ZFHX3: variants seen among roughly 807,000 people sequenced by gnomAD.
The protein encoded by ZFHX3 is zinc finger homeobox protein 3.
In ZFHX3, 42 loss-of-function variants were observed where a neutral mutation model predicts 279.1. The ratio of observed to expected loss-of-function variants is 0.15; its 90% CI spans 0.12 to 0.19. The LOEUF (loss-of-function observed/expected upper bound fraction) is 0.19, where lower values mean the gene tolerates loss of function less well. Among genes scored for constraint, ZFHX3 ranks in the 10% least tolerant of loss-of-function variants. ZFHX3 has a pLI of 1.00. For synonymous variants in ZFHX3, 2,293 were observed against 1,957.8 expected (o/e 1.17, Z -4.52); for missense variants, 4,981 against 4,754.0 (o/e 1.05, Z -1.40).
intron 4 of ZFHX3, among the ~76,000 whole-genome samples, chr16:73,276,910 T>C (rs1202227884): frequency 6.6e-6 from 1 of 152,240 alleles, no homozygotes; most frequent in African/African-American, 2.4e-5. Flanking sequence ...CTCTGCCATG[T>C]TCCTTTCTAC....
chr16:73,683,799 G>C (rs1010259981), intron 1 of ZFHX3, among the ~76,000 whole-genome samples: 5 of 152,170 alleles, frequency 3.3e-5, no homozygotes, highest in African/African-American at 1.2e-4. Flanking sequence ...TTCTAGAAAT[G>C]AATGAGATAC....
intron 1 of ZFHX3, among the ~76,000 whole-genome samples, chr16:73,000,626 T>C (rs1399528433): frequency 2.6e-5 from 4 of 152,196 alleles, no homozygotes; most frequent in Admixed American, 2.6e-4. Flanking sequence ...TGGGTGTTTC[T>C]CTGAATAGCT....
chr16:73,402,971 A>G (rs192280526), intron 3 of ZFHX3, among the ~76,000 whole-genome samples: 9 of 152,236 alleles, frequency 5.9e-5, no homozygotes, highest in Non-Finnish European at 4.4e-5. Flanking sequence ...GGTAATAGAG[A>G]GAGCTAACAC....
chr16:73,238,654 G>A lies in ZFHX3; in HGVS notation c.-1104+18393C>T, dbSNP rs532766029. Among the ~76,000 whole-genome samples the A allele has an allele frequency of 3.5e-4, 53 of 152,072 alleles. No individual in the cohort carries two copies. In the South Asian group the frequency reaches 9.8e-3, roughly 28 times the overall value. ...AAGTGCAAATGTGATTATCTTGCTC[G>A]CCTTTGTGAGATCCTTCTGAGGATC... On this transcript the variant is annotated intron_variant, in intron 5 of 17. Coordinates refer to the ZFHX3 transcript ENST00000641206.
At chr16:72,901,793 C>T (rs1423245043) in intron 3 of ZFHX3, among the ~76,000 whole-genome samples, 5 of 152,218 alleles carry the variant, frequency 3.3e-5, no homozygotes, top group East Asian at 1.9e-4. Flanking sequence ...CGGACGGCCA[C>T]GTGGCGAGAG....
chr16:73,308,339 G>A (rs1028878921), intron 4 of ZFHX3, among the ~76,000 whole-genome samples: 9 of 141,004 alleles, frequency 6.4e-5, no homozygotes, highest in Non-Finnish European at 9.3e-5. Flanking sequence ...GTGCAATGGC[G>A]CAATCTCTGC....
intron 3 of ZFHX3, among the ~76,000 whole-genome samples, chr16:73,331,799 G>A (rs937977558): frequency 2.8e-4 from 43 of 152,324 alleles, no homozygotes; most frequent in Middle Eastern, 3.4e-3. Flanking sequence ...TGGATTTTAA[G>A]AGATGACATT....
intron 1 of ZFHX3, among the ~76,000 whole-genome samples, chr16:73,830,953 A>G (rs1458075299): frequency 6.6e-6 from 1 of 152,214 alleles, no homozygotes; most frequent in Non-Finnish European, 1.5e-5. Context: ...AATTGCACAG[A>G]AGAAATGGAT....
intron 3 of ZFHX3, among the ~76,000 whole-genome samples, chr16:73,362,351 C>G (rs1012982380): frequency 6.6e-6 from 1 of 152,194 alleles, no homozygotes; most frequent in East Asian, 1.9e-4. Context: ...GGCTTGCTGC[C>G]TGGGGGCTTG....
chr16:72,816,589 G>A (rs1386684760), intron 5 of ZFHX3, among the ~76,000 whole-genome samples: 1 of 152,130 alleles, frequency 6.6e-6, no homozygotes, highest in Non-Finnish European at 1.5e-5. Flanking sequence ...CCTACCCAAC[G>A]CGTGCTGATG....
At chr16:72,989,705 G>C (rs1963001243) in intron 1 of ZFHX3, among the ~76,000 whole-genome samples, 6 of 152,174 alleles carry the variant, frequency 3.9e-5, no homozygotes, top group Admixed American at 3.9e-4. Context: ...GCAGTAACAG[G>C]AGAAGCAAGA....
chr16:73,555,079 A>G (rs1293164916), intron 2 of ZFHX3, among the ~76,000 whole-genome samples: 1 of 152,008 alleles, frequency 6.6e-6, no homozygotes, highest in Admixed American at 6.5e-5. Context: ...GCTTTGGGAG[A>G]ATTTATGAAG....
chr16:73,137,992 C>A (rs1250485927), intron 6 of ZFHX3, among the ~76,000 whole-genome samples: 1 of 152,054 alleles, frequency 6.6e-6, no homozygotes, highest in East Asian at 1.9e-4. Flanking sequence ...CGGAGAAAAT[C>A]CCTGTATTCT....
At chr16:73,687,505 T>C (rs2053101533) in intron 1 of ZFHX3, among the ~76,000 whole-genome samples, 1 of 152,048 alleles carries the variant, frequency 6.6e-6, no homozygotes, top group African/African-American at 2.4e-5. Flanking sequence ...CTTCTGTTGG[T>C]GTACATCAGA....
At position 72,958,558 on chromosome 16, in the gene ZFHX3, T is replaced by C; in HGVS notation, c.1588A>G (p.Ile530Val). The C allele has an allele frequency of 1.2e-6, 2 of 1,614,114 alleles. No homozygotes were observed. Among genetic ancestry groups the C allele is most frequent in the Non-Finnish European group, 1.7e-6 (2 of 1,180,024 alleles). The stretch of plus-strand genomic sequence containing the variant: ...TTAGGCATTAAGGGGGAGTTAGAAA[T>C]GCTTTGGTTTGAGAGAGCAAGGTCC... ...KKDLALSNQSISNSPLMPNVL... is the reference protein window; with the variant it reads ...KKDLALSNQSVSNSPLMPNVL... The change falls in exon 2 of 10, where the codon ATT becomes GTT. Residue 530 changes from isoleucine to valine, a missense_variant. Ile to Val is a conservative substitution (Grantham distance 29, BLOSUM62 3). Around this residue, in one of 7 missense-constraint regions of ZFHX3, gnomAD observed 1,068 missense variants for 935.2 expected, o/e 1.14. Coordinates refer to ENST00000268489, the MANE Select transcript of ZFHX3 (RefSeq NM_006885.4).
At chr16:73,062,759 G>C (rs1333289950), upstream of ZFHX3, among the ~76,000 whole-genome samples, 1 of 152,048 alleles carries the variant, frequency 6.6e-6, no homozygotes, top group Non-Finnish European at 1.5e-5. Flanking sequence ...CCCGTGTGGA[G>C]GCAGGAGAGG....
At chr16:73,225,333 G>C (rs1316529934) in intron 5 of ZFHX3, among the ~76,000 whole-genome samples, 1 of 152,128 alleles carries the variant, frequency 6.6e-6, no homozygotes, top group Non-Finnish European at 1.5e-5. Flanking sequence ...AAAGATTTGA[G>C]GGCCTGGTGT....
Position 73,172,988 on chromosome 16 carries a change from G to GTTTT in ZFHX3, c.-1103-29161_-1103-29158dup, listed in dbSNP as rs1296855983. Reference sequence around the variant, plus strand: ...CCCCCTGCTGTTTCCTGATGGGACTGTTTTTTTGTTTTTTTTTTTGTTTTT... The same window carrying GTTTT: ...CCCCCTGCTGTTTCCTGATGGGACTGTTTTTTTTTTTGTTTTTTTTTTTGTTTTT... On this transcript the variant is annotated intron_variant, in intron 5 of 17. Coordinates refer to the ZFHX3 transcript ENST00000641206. Among the ~76,000 whole-genome samples the GTTTT allele has an allele frequency of 1.3e-4, 6 of 46,166 alleles. 1 individual carries two copies. Among genetic ancestry groups the GTTTT allele is most frequent in the African/African-American group, 3.6e-4 (3 of 8,312 alleles). 30.3% of individuals were successfully genotyped at this position (46,166 alleles called of 152,430 possible). A position where few individuals can be genotyped will look rare whatever the true frequency, so the allele number is the denominator to read the frequency against.
At chr16:73,886,070 C>T (rs563452600) in intron 1 of ZFHX3, among the ~76,000 whole-genome samples, 1 of 152,134 alleles carries the variant, frequency 6.6e-6, no homozygotes, top group Non-Finnish European at 1.5e-5. Context: ...TAATCCTGAA[C>T]CTTACACAAT....
Sources: allele counts gnomAD v4.1 joint callset (sites outside exome capture counted in the v4.1 genomes callset), GRCh38; gene constraint gnomAD v4.1.1; regional missense constraint gnomAD v4.1.1; transcripts MANE v1.5; gene names NCBI Gene and HGNC (gene_info 2026-07-23, HGNC 2026-07-21).